Variants in PTPRD observed in about 807,000 individuals in gnomAD.
PTPRD encodes protein tyrosine phosphatase receptor type D.
A neutral mutation model predicts 214.5 loss-of-function variants in PTPRD; 34 were observed. The ratio of observed to expected loss-of-function variants is 0.16; its 90% CI spans 0.12 to 0.21. PTPRD has a LOEUF of 0.21. PTPRD is among the 10% of genes least tolerant of loss of function. The pLI, the probability that PTPRD is intolerant of heterozygous loss-of-function variation, is 1.00. For missense variants in PTPRD, 2,545 were observed against 2,398.7 expected (o/e 1.06, Z -1.27); for synonymous variants, 1,128 against 845.7 (o/e 1.33, Z -5.79).
chr9:8,452,198 C>T (rs1253443159), intron 33 of PTPRD, among the ~76,000 whole-genome samples: 2 of 152,138 alleles, frequency 1.3e-5, no homozygotes, highest in African/African-American at 4.8e-5. Context: ...TCCTGAAATC[C>T]TAGTCAAATA....
intron 5 of PTPRD, among the ~76,000 whole-genome samples, chr9:9,790,309 CTAATT>C (rs201425982): frequency 0.011 from 1,722 of 152,304 alleles, 32 homozygotes; most frequent in African/African-American, 0.039. Flanking sequence ...TCCTCATCAT[CTAATT>C]TGTTTCCTGC....
chr9:10,421,226 G>A (rs796511187), intron 2 of PTPRD, among the ~76,000 whole-genome samples: 15 of 151,828 alleles, frequency 9.9e-5, no homozygotes, highest in Non-Finnish European at 2.1e-4. Context: ...CAGATTACGG[G>A]AGGAGTTCCC....
chr9:9,874,727 G>A (rs140719093), intron 5 of PTPRD, among the ~76,000 whole-genome samples: 3 of 151,880 alleles, frequency 2.0e-5, no homozygotes, highest in African/African-American at 7.3e-5. Flanking sequence ...AGCACAAGAC[G>A]GTCTCCCTAA....
intron 11 of PTPRD, among the ~76,000 whole-genome samples, chr9:8,773,614 A>T (rs1384521335): frequency 6.6e-6 from 1 of 152,114 alleles, no homozygotes; most frequent in East Asian, 1.9e-4. Flanking sequence ...TCACAACAAA[A>T]ATCTGATAAT....
At chr9:10,040,541 G>A (rs1034063646) in intron 3 of PTPRD, among the ~76,000 whole-genome samples, 4 of 151,952 alleles carry the variant, frequency 2.6e-5, no homozygotes, top group Non-Finnish European at 5.9e-5. Flanking sequence ...CCTCTCAACA[G>A]ACTATCCAGC....
At chr9:9,518,142 T>C (rs1039895713) in intron 8 of PTPRD, among the ~76,000 whole-genome samples, 2 of 152,032 alleles carry the variant, frequency 1.3e-5, no homozygotes, top group Non-Finnish European at 2.9e-5. Context: ...AACACTTAAT[T>C]TGGGATTTTT....
rs142850312 is a variant in PTPRD, at chr9:10,255,102, G to A, written c.-545+85861C>T. Among the ~76,000 whole-genome samples, 7 of 152,320 alleles carry A rather than the reference G, an allele frequency of 4.6e-5. No homozygotes were observed. In the East Asian group the frequency reaches 1.3e-3, roughly 29 times the overall value. ...TTAGCAAGAATGTTTAATTTGCCAA[G>A]TATAGTACAGAGTGTTTTACATCTG... On this transcript the variant is annotated intron_variant, in intron 3 of 45. Transcript: ENST00000381196.
intron 4 of PTPRD, among the ~76,000 whole-genome samples, chr9:9,972,280 C>G (rs764446126): frequency 2.0e-5 from 3 of 152,136 alleles, no homozygotes; most frequent in Admixed American, 6.6e-5. Flanking sequence ...TCCTCCTTAC[C>G]TCTGTTCCAG....
intron 6 of PTPRD, among the ~76,000 whole-genome samples, chr9:9,740,285 A>C (rs2098380135): frequency 6.6e-6 from 1 of 152,144 alleles, no homozygotes; most frequent in Admixed American, 6.6e-5. Context: ...TTAATATATA[A>C]ACATTTGAAA....
intron 11 of PTPRD, among the ~76,000 whole-genome samples, chr9:8,818,794 C>T (rs72702391): frequency 0.022 from 3,305 of 152,300 alleles, 46 homozygotes; most frequent in Non-Finnish European, 0.036. Context: ...TTGGTAATCA[C>T]GATTTTGAAT....
intron 12 of PTPRD, among the ~76,000 whole-genome samples, chr9:8,710,802 C>G (rs565291281): frequency 1.3e-5 from 2 of 152,216 alleles, no homozygotes; most frequent in East Asian, 3.9e-4. Flanking sequence ...TTTCTGAGAA[C>G]TTTACATATG....
intron 9 of PTPRD, among the ~76,000 whole-genome samples, chr9:9,312,652 C>T (rs1016324533): frequency 2.0e-5 from 3 of 152,088 alleles, no homozygotes; most frequent in Non-Finnish European, 2.9e-5. Context: ...GTCATTTTGT[C>T]CCAGGTGGGT....
chr9:9,486,849 A>C (rs1369470040), intron 8 of PTPRD, among the ~76,000 whole-genome samples: 1 of 152,156 alleles, frequency 6.6e-6, no homozygotes, highest in African/African-American at 2.4e-5. Context: ...GTCTGTATTC[A>C]AAATTTTACT....
intron 8 of PTPRD, among the ~76,000 whole-genome samples, chr9:9,512,772 T>C (rs1262320305): frequency 1.3e-5 from 2 of 151,680 alleles, no homozygotes; most frequent in Admixed American, 1.3e-4. Flanking sequence ...GGCTCCATAG[T>C]ACCCATATGT....
Position 8,485,900 on chromosome 9 carries a change from C to T in PTPRD, c.2917G>A (p.Val973Ile), listed in dbSNP as rs201017248. Residue 973 changes from valine to isoleucine, a missense_variant, in exon 28 of 46, where the codon GTT becomes ATT. Physicochemically the swap from Val to Ile is conservative, Grantham distance 29. Transcript: ENST00000381196. Reference protein sequence around the residue: ...IPLLPMEQLIVPADTTMTLTG... With the variant: ...IPLLPMEQLIIPADTTMTLTG... ...AGTGTCATAGTGGTGTCAGCTGGAA[C>T]AATAAGCTGCTCCATCGGGAGAAGG... is the stretch of plus-strand genomic sequence containing the variant. The T allele has an allele frequency of 1.5e-5, 24 of 1,614,042 alleles. No individual in the cohort carries two copies. The highest frequency in any genetic ancestry group is 3.3e-4 in the Middle Eastern group (2 of 6,084).
At chr9:8,340,139 G>T (rs143618604) in intron 42 of PTPRD, among the ~76,000 whole-genome samples, 1 of 152,214 alleles carries the variant, frequency 6.6e-6, no homozygotes, top group Non-Finnish European at 1.5e-5. Context: ...CAAATCACTA[G>T]ATCTTTCTTT....
chr9:9,401,211 G>C (rs568091561), intron 8 of PTPRD, among the ~76,000 whole-genome samples: 5 of 152,074 alleles, frequency 3.3e-5, no homozygotes, highest in African/African-American at 9.6e-5. Flanking sequence ...AAATTCTTAT[G>C]AGTTTCAGTA....
At chr9:10,094,362 T>C (rs1292592302) in intron 3 of PTPRD, among the ~76,000 whole-genome samples, 1 of 151,316 alleles carries the variant, frequency 6.6e-6, no homozygotes, top group Non-Finnish European at 1.5e-5. Flanking sequence ...AATATAAATT[T>C]GACATGATTT....
intron 44 of PTPRD, among the ~76,000 whole-genome samples, chr9:8,325,646 T>C (rs1026896507): frequency 1.3e-5 from 2 of 151,570 alleles, no homozygotes; most frequent in African/African-American, 4.8e-5. Context: ...TTGATGGGGA[T>C]GGCATTGAAT....
Sources: gnomAD v4.1 joint callset for allele counts (sites outside exome capture counted in the v4.1 genomes callset) on GRCh38, gnomAD v4.1.1 for gene constraint, MANE v1.5 for transcripts, NCBI Gene and HGNC (gene_info 2026-07-23, HGNC 2026-07-21) for gene names.